The following SNX31 variants were observed in gnomAD, a reference collection of about 807,000 sequenced individuals.
SNX31 encodes the protein sorting nexin-31.
In SNX31, 58 loss-of-function variants were observed where a neutral mutation model predicts 65.4. The observed-to-expected ratio is 0.89, with a 90% CI of 0.72 to 1.10. SNX31 has a LOEUF of 1.10. Among genes scored for constraint, SNX31 ranks in the 50% least tolerant of loss-of-function variants. SNX31 has a pLI of 0.00. For synonymous variants in SNX31, 181 were observed against 190.1 expected, an observed-to-expected ratio of 0.95 and a Z score of 0.39; for missense variants, 523 against 529.7, an observed-to-expected ratio of 0.99 and a Z score of 0.12.
chr8:100,596,551 G>T, intron 10 of SNX31, 88 bp downstream of exon 10: 1 of 1,106,454 alleles, frequency 9.0e-7, no homozygotes. Flanking sequence ...GATTCAAATG[G>T]CAAACCTGTC....
At chr8:100,586,280 A>T (rs566082318) in intron 11 of SNX31, among the ~76,000 whole-genome samples, 16 of 152,306 alleles carry the variant, frequency 1.1e-4, no homozygotes, top group African/African-American at 3.6e-4. Context: ...CCTCATTTGT[A>T]TTTGCAAAGC....
At chr8:100,611,862 G>T in intron 7 of SNX31, 138 bp downstream of exon 7, 1 of 673,464 alleles carries the variant, frequency 1.5e-6, no homozygotes, top group Non-Finnish European at 2.6e-6. Context: ...GGCCTTCATT[G>T]CTTTTCTCAG....
upstream of SNX31, among the ~76,000 whole-genome samples, chr8:100,652,912 C>T (rs575752308): frequency 5.9e-5 from 9 of 152,142 alleles, no homozygotes; most frequent in South Asian, 2.1e-4. Flanking sequence ...CCAGGTGTTG[C>T]GCACATCACC....
rs758556736 is a variant in SNX31 at position 100,608,578 on chromosome 8, A to C, written c.612-15T>G. 3.7e-6 allele frequency: 6 copies of C among 1,613,384 alleles called. No individual in the cohort carries two copies. The highest frequency in any genetic ancestry group is 5.1e-6 in the Non-Finnish European group (6 of 1,179,498). On this transcript the variant is annotated splice_polypyrimidine_tract_variant and intron_variant, in intron 7 of 13. Transcript: ENST00000311812. ...GAGCCATATACCTGCAAAATTCAGG[A>C]GTGTGAAATTCATTCCTGTGACATG...
Position 100,576,987 on chromosome 8 carries a change from A to C in SNX31, c.1227+32T>G, listed in dbSNP as rs1488752869. 3 of 1,536,444 alleles carry C rather than the reference A, an allele frequency of 2.0e-6. No individual in the cohort carries two copies. The highest frequency in any genetic ancestry group is 2.7e-6 in the Non-Finnish European group (3 of 1,115,816). Reference sequence around the variant, plus strand: ...AAAAGATCAGATTTATCAAAATTATAATGTACCAATTACATAATTTTACTC... The same window carrying C: ...AAAAGATCAGATTTATCAAAATTATCATGTACCAATTACATAATTTTACTC... On this transcript the variant is annotated intron_variant, in intron 13 of 13. Coordinates refer to ENST00000311812, the MANE Select transcript of SNX31 (RefSeq NM_152628.4). The surrounding 1 kb of genome is among the most constrained non-coding windows in gnomAD (Gnocchi z 4.8).
upstream of SNX31, among the ~76,000 whole-genome samples, chr8:100,651,014 G>A (rs903330358): frequency 5.3e-5 from 8 of 151,908 alleles, no homozygotes; most frequent in Admixed American, 2.6e-4. Flanking sequence ...CACCACACCC[G>A]GCTAATTTTG....
chr8:100,631,694 T>A (rs1031042507), intron 3 of SNX31, among the ~76,000 whole-genome samples: 2 of 152,152 alleles, frequency 1.3e-5, no homozygotes, highest in Admixed American at 1.3e-4. Flanking sequence ...AGACATCATG[T>A]TTTCCAAAAT....
At position 100,596,694 on chromosome 8, in the gene SNX31, G is replaced by T. The variant is rs1321054617; in HGVS notation, c.923C>A (p.Thr308Asn). Residue 308 changes from threonine (T) to asparagine (N), a missense_variant, in exon 10 of 14, where the codon ACC becomes AAC. Thr to Asn is a moderately conservative substitution (Grantham distance 65). Transcript: ENST00000311812. ...SCCITLPDSQ[T>N]QDIVFQMSRV... ...GCTCATCTGGAAAACGATGTCCTGG[G>T]TCTGGCTGTCAGGCAGGGTGATGCA... 2 of 1,614,134 alleles carry T rather than the reference G, an allele frequency of 1.2e-6. No homozygotes were observed. The highest frequency in any genetic ancestry group is 3.3e-5 in the Admixed American group (2 of 60,014).
intron 10 of SNX31, among the ~76,000 whole-genome samples, chr8:100,595,452 G>C (rs1373435965): frequency 6.6e-6 from 1 of 152,058 alleles, no homozygotes; most frequent in Non-Finnish European, 1.5e-5. Flanking sequence ...GGGACCACAG[G>C]TGCACACCAC....
intron 8 of SNX31, among the ~76,000 whole-genome samples, chr8:100,601,199 A>G (rs377647230): frequency 6.6e-6 from 1 of 152,366 alleles, no homozygotes; most frequent in East Asian, 1.9e-4. Context: ...TCAGAACAAA[A>G]GTCAATCCTT....
chr8:100,645,100 C>T (rs1004682393), intron 2 of SNX31, among the ~76,000 whole-genome samples: 2 of 152,222 alleles, frequency 1.3e-5, no homozygotes, highest in African/African-American at 2.4e-5. Context: ...TTCTTAAAGC[C>T]AAAGATCACA....
intron 3 of SNX31, among the ~76,000 whole-genome samples, chr8:100,635,004 A>G (rs879471658): frequency 1.3e-5 from 2 of 152,056 alleles, no homozygotes; most frequent in Non-Finnish European, 2.9e-5. Flanking sequence ...GACCAAGGCT[A>G]TAGTTAGCCA....
chr8:100,581,028 GC>G (rs1388684926), intron 12 of SNX31, among the ~76,000 whole-genome samples: 1 of 151,220 alleles, frequency 6.6e-6, no homozygotes, highest in Non-Finnish European at 1.5e-5. Context: ...AGGTACAGTG[GC>G]TCATGTCTGT....
At position 100,613,139 on chromosome 8, in the gene SNX31, CCTAA is replaced by C; in HGVS notation, c.433-58_433-55del. 1 of 1,402,584 alleles carries C rather than the reference CCTAA, an allele frequency of 7.1e-7. No homozygotes were observed. The highest frequency in any genetic ancestry group is 1.4e-5 in the African/African-American group (1 of 70,692). The allele number at this position is 1,402,584 out of a possible 1,614,324, so 86.9% of individuals were successfully genotyped here. A position where few individuals can be genotyped will look rare whatever the true frequency, so the allele number is the denominator to read the frequency against. On this transcript the variant is annotated intron_variant, in intron 5 of 13. Coordinates refer to ENST00000311812, the MANE Select transcript of SNX31 (RefSeq NM_152628.4). This position sits in a 1 kb window ranked among gnomAD's most constrained non-coding sequence, Gnocchi z 5.2. ...AAAGTTAGGTGTGCCCACCATGCAT[CCTAA>C]CTGTGACATGCAGACTTGGAAATGG...
chr8:100,611,535 T>A (rs1816707861), intron 7 of SNX31, among the ~76,000 whole-genome samples: 1 of 152,160 alleles, frequency 6.6e-6, no homozygotes, highest in Non-Finnish European at 1.5e-5. Flanking sequence ...ACCAGTTTAT[T>A]TCACCCTCTC....
upstream of SNX31, among the ~76,000 whole-genome samples, chr8:100,653,551 G>A (rs1820008991): frequency 6.6e-6 from 1 of 152,224 alleles, no homozygotes; most frequent in Admixed American, 6.5e-5. Context: ...AAGCCAAGAA[G>A]CGCCTCAGGC....
chr8:100,627,818 T>A (rs867325184), intron 4 of SNX31, among the ~76,000 whole-genome samples: 4 of 152,220 alleles, frequency 2.6e-5, no homozygotes, highest in Middle Eastern at 6.8e-3. Flanking sequence ...ATTACAGACG[T>A]GAGCCACAGC....
rs1177720631 is a variant in SNX31, at chr8:100,573,701, G to A, written c.*164C>T. 8 of 402,014 alleles carry A rather than the reference G, an allele frequency of 2.0e-5. No homozygotes were observed. Among genetic ancestry groups the A allele is most frequent in the African/African-American group, 1.5e-4 (7 of 48,118 alleles). The allele number at this position is 402,014 out of a possible 1,614,324, so 24.9% of individuals were successfully genotyped here. ...TTTCTAATCTTGAGATTTCCATAGA[G>A]TGCTGTGGTATAATACCTTGATGAA... On this transcript the variant is annotated 3_prime_UTR_variant, in exon 14 of 14. Transcript: ENST00000311812.
Position 100,610,938 on chromosome 8 carries a change from G to T in SNX31, c.611+1062C>A, listed in dbSNP as rs1386614714. On this transcript the variant is annotated intron_variant, in intron 7 of 13. Coordinates refer to ENST00000311812, the MANE Select transcript of SNX31 (RefSeq NM_152628.4). The surrounding 1 kb of genome is among the most constrained non-coding windows in gnomAD (Gnocchi z 4.0). ...GGCTGGGAGAGAGCGAGCCTAAGGA[G>T]CAATCCCCTGCAGCCACGGTAATAA... is the stretch of plus-strand genomic sequence containing the variant. 6.6e-6 allele frequency among the ~76,000 whole-genome samples: 1 copy of T among 152,202 alleles called. No homozygotes were observed. Among genetic ancestry groups the T allele is most frequent in the Non-Finnish European group, 1.5e-5 (1 of 68,034 alleles).
Sources: allele counts gnomAD v4.1 joint callset (sites outside exome capture counted in the v4.1 genomes callset), GRCh38; gene constraint gnomAD v4.1.1; non-coding constraint Gnocchi (gnomAD v3.1); transcripts MANE v1.5; gene names NCBI Gene and HGNC (gene_info 2026-07-23, HGNC 2026-07-21).